TMEM132D: variants seen among roughly 807,000 people sequenced by gnomAD.
TMEM132D encodes mature OL transmembrane protein.
In TMEM132D, 21 loss-of-function variants were observed where a neutral mutation model predicts 62.3. The ratio of observed to expected loss-of-function variants is 0.34; its 90% confidence interval spans 0.24 to 0.49. TMEM132D has a LOEUF of 0.49. Among genes scored for constraint, TMEM132D ranks in the 20% least tolerant of loss-of-function variants. The probability of loss-of-function intolerance (pLI) is 0.99; values close to 1 mark genes in which losing one functional copy is unlikely to be tolerated. For missense variants in TMEM132D, 1,346 were observed against 1,402.8 expected (o/e 0.96, Z 0.65); for synonymous variants, 621 against 575.6 (o/e 1.08, Z -1.13).
chr12:129,525,157 C>T (rs1283526389), intron 3 of TMEM132D, among the ~76,000 whole-genome samples: 1 of 142,206 alleles, frequency 7.0e-6, no homozygotes, highest in East Asian at 2.2e-4. Context: ...GATCTCCTGA[C>T]TTCGTGATCT....
At chr12:129,845,447 T>C (rs1873331832) in intron 1 of TMEM132D, among the ~76,000 whole-genome samples, 1 of 152,194 alleles carries the variant, frequency 6.6e-6, no homozygotes, top group South Asian at 2.1e-4. Flanking sequence ...TTTTGGGAAA[T>C]GAAACACGTC....
rs2137225067 is a variant in TMEM132D at position 129,699,797 on chromosome 12, G to C, written c.968+13C>G. On this transcript the variant is annotated intron_variant, in intron 2 of 8. Transcript: ENST00000422113. The stretch of plus-strand genomic sequence containing the variant: ...GACGGGCGGGTACAGACAGACATTG[G>C]GAAACGACTTACCTCAACGTGAAGC... The C allele has an allele frequency of 6.2e-7, 1 of 1,612,180 alleles. No individual in the cohort carries two copies. Among genetic ancestry groups the C allele is most frequent in the Non-Finnish European group, 8.5e-7 (1 of 1,178,660 alleles).
At chr12:129,262,428 C>G (rs1880574275) in intron 4 of TMEM132D, 3 of 152,156 alleles carry the variant, frequency 2.0e-5, no homozygotes, top group South Asian at 2.1e-4. Flanking sequence ...GTCCCAAACT[C>G]AAGTTTTTAC....
intron 3 of TMEM132D, among the ~76,000 whole-genome samples, chr12:129,457,837 C>A (rs753539488): frequency 1.3e-5 from 2 of 152,114 alleles, no homozygotes; most frequent in African/African-American, 2.4e-5. Flanking sequence ...TGTCTGATCC[C>A]ATGATTCAAT....
chr12:129,266,209 A>G (rs1020198308), intron 4 of TMEM132D, among the ~76,000 whole-genome samples: 5 of 152,050 alleles, frequency 3.3e-5, no homozygotes, highest in African/African-American at 9.7e-5. Context: ...CCTCCTTGAA[A>G]TATGTTCTTG....
chr12:129,218,911 C>T (rs1879281157), intron 4 of TMEM132D, among the ~76,000 whole-genome samples: 1 of 152,082 alleles, frequency 6.6e-6, no homozygotes. Context: ...GCAGTGGTGC[C>T]CAGAGGAACT....
chr12:129,742,404 A>T (rs1358318949), intron 1 of TMEM132D, among the ~76,000 whole-genome samples: 1 of 151,558 alleles, frequency 6.6e-6, no homozygotes, highest in Non-Finnish European at 1.5e-5. Flanking sequence ...GAGGTCCCAG[A>T]CTCTTTTTGA....
intron 2 of TMEM132D, among the ~76,000 whole-genome samples, chr12:129,627,641 CACTT>C (rs1306944081): frequency 6.6e-6 from 1 of 151,952 alleles, no homozygotes; most frequent in Non-Finnish European, 1.5e-5. Context: ...CAAGTATATA[CACTT>C]ACTATGTTAC....
chr12:129,091,233 C>A (rs2135627805), intron 5 of TMEM132D, among the ~76,000 whole-genome samples: 1 of 151,728 alleles, frequency 6.6e-6, no homozygotes, highest in African/African-American at 2.4e-5. Context: ...TTCACTTGGG[C>A]TCTGGAGACC....
chr12:129,818,498 T>G (rs1426262969), intron 1 of TMEM132D, among the ~76,000 whole-genome samples: 1 of 150,818 alleles, frequency 6.6e-6, no homozygotes, highest in Non-Finnish European at 1.5e-5. Flanking sequence ...GTGGTGTGTG[T>G]ATGTGTGTAT....
intron 2 of TMEM132D, among the ~76,000 whole-genome samples, chr12:129,648,456 C>A (rs1879842882): frequency 6.6e-6 from 1 of 152,142 alleles, no homozygotes; most frequent in Non-Finnish European, 1.5e-5. Context: ...TGTTTCGTGG[C>A]TCTATGTGTA....
chr12:129,580,915 C>T (rs1214600473), intron 2 of TMEM132D, among the ~76,000 whole-genome samples: 2 of 152,080 alleles, frequency 1.3e-5, no homozygotes, highest in African/African-American at 4.8e-5. Flanking sequence ...TAGTGATAGC[C>T]ATCAATTGTA....
intron 3 of TMEM132D, among the ~76,000 whole-genome samples, chr12:129,481,895 C>T (rs1874440537): frequency 6.6e-6 from 1 of 152,254 alleles, no homozygotes; most frequent in Non-Finnish European, 1.5e-5. Flanking sequence ...CACACATACA[C>T]ACACATTGGT....
chr12:129,798,188 G>A (rs1458951710), intron 1 of TMEM132D, among the ~76,000 whole-genome samples: 1 of 152,150 alleles, frequency 6.6e-6, no homozygotes, highest in Admixed American at 6.6e-5. Flanking sequence ...TTCCTGTACA[G>A]CCTACAGAAC....
chr12:129,209,703 G>A (rs1486643833), intron 4 of TMEM132D, 40 bp from the exon 5 acceptor site: 1 of 1,610,844 alleles, frequency 6.2e-7, no homozygotes, highest in South Asian at 1.1e-5. Flanking sequence ...ATCCCCTCCT[G>A]AGACGGCCCA....
chr12:129,795,146 T>C (rs1871526870), intron 1 of TMEM132D, among the ~76,000 whole-genome samples: 1 of 152,388 alleles, frequency 6.6e-6, no homozygotes, highest in Non-Finnish European at 1.5e-5. Flanking sequence ...CTTAACATGA[T>C]ACTCCATTTG....
chr12:129,794,369 TG>T (rs1871500097), intron 1 of TMEM132D, among the ~76,000 whole-genome samples: 2 of 151,572 alleles, frequency 1.3e-5, no homozygotes, highest in African/African-American at 4.9e-5. Flanking sequence ...CCCAGAATGC[TG>T]GAATGACAGG....
chr12:129,134,017 A>G (rs1876460482), intron 5 of TMEM132D, among the ~76,000 whole-genome samples: 1 of 152,030 alleles, frequency 6.6e-6, no homozygotes, highest in Non-Finnish European at 1.5e-5. Flanking sequence ...ATGAAGATAT[A>G]TATATATATC....
At chr12:129,467,438 G>A (rs557258061) in intron 3 of TMEM132D, among the ~76,000 whole-genome samples, 2 of 152,280 alleles carry the variant, frequency 1.3e-5, no homozygotes, top group East Asian at 3.9e-4. Flanking sequence ...TCCTGGGATG[G>A]AATTTCATTG....
Sources: gnomAD v4.1 joint callset for allele counts (sites outside exome capture counted in the v4.1 genomes callset) on GRCh38, gnomAD v4.1.1 for gene constraint, MANE v1.5 for transcripts, NCBI Gene and HGNC (gene_info 2026-07-23, HGNC 2026-07-21) for gene names.